ROR1: variants seen among roughly 807,000 people sequenced by gnomAD.
The protein encoded by ROR1 is ROR family WNT receptor 1, also known as inactive tyrosine-protein kinase transmembrane receptor ROR1.
ROR1 carries 19 observed loss-of-function variants against 78.8 expected under a neutral mutation model. That is an observed-to-expected ratio of 0.24 (90% CI 0.17 to 0.35). The LOEUF (loss-of-function observed/expected upper bound fraction) is 0.35. Among genes scored for constraint, ROR1 ranks in the 10% least tolerant of loss-of-function variants. ROR1 has a pLI of 1.00. For missense variants in ROR1, 917 were observed against 1,177.8 expected, an observed-to-expected ratio of 0.78 and a Z score of 3.24; for synonymous variants, 386 against 433.6, an observed-to-expected ratio of 0.89 and a Z score of 1.36.
At position 64,159,133 on chromosome 1, in the gene ROR1, C is replaced by A. The variant is rs150047255; in HGVS notation, c.1327C>A (p.Pro443Thr). Residue 443 changes from proline (P) to threonine (T), a missense_variant, in exon 8 of 9, where the codon CCA (proline) becomes ACA (threonine). Physicochemically the swap from Pro to Thr is conservative, Grantham distance 38 (BLOSUM62 -1). This residue lies in a region of ROR1 where 835 missense variants were observed against 1,069.8 expected (regional missense o/e 0.78). Coordinates refer to ENST00000371079, the MANE Select transcript of ROR1 (RefSeq NM_005012.4). Reference protein sequence around the residue: ...KSSSAPVQRQPKHVRGQNVEM... With the variant: ...KSSSAPVQRQTKHVRGQNVEM... ...ATCGTCGGCACCAGTCCAGAGGCAA[C>A]CAAAACACGTCAGAGGTCAAAATGT... The A allele has an allele frequency of 1.9e-6, 3 of 1,614,070 alleles. No homozygotes were observed. The highest frequency in any genetic ancestry group is 2.5e-6 in the Non-Finnish European group (3 of 1,179,980).
intron 1 of ROR1, among the ~76,000 whole-genome samples, chr1:63,898,067 G>A (rs1315064698): frequency 4.6e-5 from 7 of 152,186 alleles, no homozygotes; most frequent in Non-Finnish European, 1.0e-4. Context: ...TGGAGGGGTT[G>A]GGGCAAGAAA....
chr1:63,860,686 T>C (rs1295591026), intron 1 of ROR1, among the ~76,000 whole-genome samples: 1 of 149,152 alleles, frequency 6.7e-6, no homozygotes, highest in African/African-American at 2.5e-5. Context: ...GGAGAATCGC[T>C]TGGACCTGGG....
intron 1 of ROR1, among the ~76,000 whole-genome samples, chr1:63,952,808 A>G (rs1271615090): frequency 6.6e-6 from 1 of 152,126 alleles, no homozygotes; most frequent in Non-Finnish European, 1.5e-5. Context: ...TGGAAGGGGT[A>G]GAGGATCTGT....
At chr1:63,941,312 A>G (rs376827024) in intron 1 of ROR1, among the ~76,000 whole-genome samples, 26 of 152,352 alleles carry the variant, frequency 1.7e-4, no homozygotes, top group African/African-American at 6.0e-4. Context: ...ATTCATCTGT[A>G]GTTCAGAAAA....
rs549088622 is a variant in ROR1 at position 63,777,960 on chromosome 1, A to G, written c.91+3452A>G. On this transcript the variant is annotated intron_variant, in intron 1 of 8. Transcript: ENST00000371079. ...ATGCTTTGCTTAGTAAAAATGCAAC[A>G]TGGCATATTTTCAAGGATTTTTCCT... is the stretch of plus-strand genomic sequence containing the variant. Among the ~76,000 whole-genome samples, 3 of 152,356 alleles carry G rather than the reference A, an allele frequency of 2.0e-5. No homozygotes were observed. The South Asian group carries it at 6.2e-4, about 32-fold the overall frequency.
intron 2 of ROR1, among the ~76,000 whole-genome samples, chr1:64,041,359 G>A (rs1027890034): frequency 6.6e-6 from 1 of 152,138 alleles, no homozygotes; most frequent in Non-Finnish European, 1.5e-5. Flanking sequence ...ATTTGGTAGA[G>A]ATCTTTTCTT....
chr1:64,064,264 T>G (rs1471306816), intron 4 of ROR1, among the ~76,000 whole-genome samples: 2 of 152,178 alleles, frequency 1.3e-5, no homozygotes, highest in African/African-American at 4.8e-5. Flanking sequence ...GGGTCATCTT[T>G]GGAGGCTGGA....
intron 2 of ROR1, among the ~76,000 whole-genome samples, chr1:64,027,063 T>C (rs1488228979): frequency 1.3e-5 from 2 of 152,240 alleles, no homozygotes; most frequent in Admixed American, 1.3e-4. Context: ...GAACTTTGGA[T>C]AAAATGACAA....
chr1:64,052,029 G>C (rs1301700049), intron 4 of ROR1, among the ~76,000 whole-genome samples: 1 of 152,208 alleles, frequency 6.6e-6, no homozygotes, highest in Non-Finnish European at 1.5e-5. Context: ...ACACAGTTCT[G>C]CTATTTCATC....
At chr1:63,944,486 T>C (rs1198810207) in intron 1 of ROR1, among the ~76,000 whole-genome samples, 1 of 152,202 alleles carries the variant, frequency 6.6e-6, no homozygotes, top group Non-Finnish European at 1.5e-5. Context: ...AGTATTTTGT[T>C]CCTTGGAGAC....
At chr1:64,167,246 T>A (rs1650112503) in intron 8 of ROR1, among the ~76,000 whole-genome samples, 1 of 152,192 alleles carries the variant, frequency 6.6e-6, no homozygotes, top group Non-Finnish European at 1.5e-5. Flanking sequence ...ATCTGTTCTG[T>A]CTATTTCCAG....
At chr1:63,795,576 A>G (rs1644755433) in intron 1 of ROR1, among the ~76,000 whole-genome samples, 1 of 152,024 alleles carries the variant, frequency 6.6e-6, no homozygotes, top group Non-Finnish European at 1.5e-5. Flanking sequence ...TTGAACTCTT[A>G]AGATCGTGAA....
At chr1:64,022,418 A>T (rs920509459) in intron 2 of ROR1, among the ~76,000 whole-genome samples, 5 of 152,230 alleles carry the variant, frequency 3.3e-5, no homozygotes, top group Non-Finnish European at 5.9e-5. Flanking sequence ...ATAAAACAAA[A>T]ATAAGAAAAC....
intron 1 of ROR1, among the ~76,000 whole-genome samples, chr1:63,808,163 G>T (rs773661347): frequency 1.3e-5 from 2 of 152,164 alleles, no homozygotes; most frequent in Non-Finnish European, 2.9e-5. Context: ...ATATGGTCAT[G>T]TGAGGTTCTG....
intron 4 of ROR1, among the ~76,000 whole-genome samples, chr1:64,104,267 A>G (rs1032613102): frequency 1.3e-5 from 2 of 152,160 alleles, no homozygotes; most frequent in African/African-American, 4.8e-5. Context: ...TCCACACCCT[A>G]GGTGCTGTGG....
chr1:63,958,032 G>A (rs1557582495), intron 1 of ROR1, among the ~76,000 whole-genome samples: 1 of 152,092 alleles, frequency 6.6e-6, no homozygotes, highest in Non-Finnish European at 1.5e-5. Flanking sequence ...ATGAGCCACT[G>A]CACCCTGCCT....
chr1:63,993,189 G>C (rs285363), intron 1 of ROR1, among the ~76,000 whole-genome samples: 101,029 of 152,042 alleles, frequency 0.66, 38,131 homozygotes, highest in East Asian at 0.94. Context: ...GTATCCCTTG[G>C]CAACCTGAGA....
intron 1 of ROR1, among the ~76,000 whole-genome samples, chr1:63,904,715 C>T (rs1204595169): frequency 3.3e-5 from 5 of 152,000 alleles, no homozygotes; most frequent in African/African-American, 9.7e-5. Context: ...CCTTATAAGA[C>T]GAGGAGATTA....
chr1:64,023,935 T>C (rs906501748), intron 2 of ROR1, among the ~76,000 whole-genome samples: 4 of 152,164 alleles, frequency 2.6e-5, no homozygotes, highest in Admixed American at 1.3e-4. Context: ...GGCGCGGTTT[T>C]CCCCATGCTG....
Sources: gnomAD v4.1 joint callset for allele counts (sites outside exome capture counted in the v4.1 genomes callset) on GRCh38, gnomAD v4.1.1 for gene constraint, gnomAD v4.1.1 regional missense constraint, MANE v1.5 for transcripts, NCBI Gene and HGNC (gene_info 2026-07-23, HGNC 2026-07-21) for gene names.